The following KCNC2 variants were observed in gnomAD, a reference collection of about 807,000 sequenced individuals.
KCNC2 encodes voltage-gated potassium channel KCNC2.
In KCNC2, 21 loss-of-function variants were observed where a neutral mutation model predicts 44.5. The observed-to-expected ratio is 0.47, with a 90% CI of 0.33 to 0.68. The LOEUF (loss-of-function observed/expected upper bound fraction) is 0.68, where lower values mean the gene tolerates loss of function less well. KCNC2 is among the 30% of genes least tolerant of loss of function. KCNC2 has a pLI of 0.01. For missense variants in KCNC2, 589 were observed against 826.2 expected (o/e 0.71, Z 3.52); for synonymous variants, 391 against 339.1 (o/e 1.15, Z -1.68).
At chr12:75,138,526 A>G (rs1889391581) in intron 2 of KCNC2, among the ~76,000 whole-genome samples, 1 of 152,202 alleles carries the variant, frequency 6.6e-6, no homozygotes. Flanking sequence ...TGGTAGAGCA[A>G]ACGTCCATAT....
chr12:75,080,224 GTAAT>G (rs1244648014), intron 2 of KCNC2, among the ~76,000 whole-genome samples: 1 of 151,990 alleles, frequency 6.6e-6, no homozygotes, highest in Non-Finnish European at 1.5e-5. Flanking sequence ...ATGTAGAAAA[GTAAT>G]TAAAATAACT....
At chr12:75,208,054 A>C in intron 1 of KCNC2, 52 bp from the exon 2 acceptor site, 2 of 1,593,816 alleles carry the variant, frequency 1.3e-6, no homozygotes, top group Non-Finnish European at 1.7e-6. Context: ...CGTCAAAGAC[A>C]CACCATGACC....
At chr12:75,043,569 AT>A (rs1880160901) in intron 4 of KCNC2, 1 of 1,231,822 alleles carries the variant, frequency 8.1e-7, no homozygotes, top group African/African-American at 1.6e-5. Flanking sequence ...TAAGTAAGAT[AT>A]AAGCTTGACT....
At chr12:75,094,675 G>T (rs914168451) in intron 2 of KCNC2, among the ~76,000 whole-genome samples, 4 of 151,676 alleles carry the variant, frequency 2.6e-5, no homozygotes, top group Admixed American at 6.6e-5. Context: ...TCCATAAGAA[G>T]AATTCAGCAG....
intron 2 of KCNC2, among the ~76,000 whole-genome samples, chr12:75,060,105 A>C (rs957271912): frequency 6.6e-6 from 1 of 152,144 alleles, no homozygotes; most frequent in East Asian, 1.9e-4. Flanking sequence ...GTCAATTTAC[A>C]CTTGCCCAAT....
rs1393264724 is a variant in KCNC2 at position 75,093,174 on chromosome 12, C to T, written c.688-41857G>A. 5.3e-5 allele frequency among the ~76,000 whole-genome samples: 8 copies of T among 151,402 alleles called. No homozygotes were observed. The East Asian group carries it at 1.4e-3, about 26-fold the overall frequency. ...ATCAAAATATTCTGGCAACCATAAACATAAAAATAAATGTACATATTCAAA... is the reference window on the plus strand; with the variant it reads ...ATCAAAATATTCTGGCAACCATAAATATAAAAATAAATGTACATATTCAAA... On this transcript the variant is annotated intron_variant, in intron 2 of 4. Transcript: ENST00000549446.
At chr12:75,146,218 T>C (rs1185674879) in intron 2 of KCNC2, among the ~76,000 whole-genome samples, 1 of 152,162 alleles carries the variant, frequency 6.6e-6, no homozygotes, top group African/African-American at 2.4e-5. Flanking sequence ...CCTCCCAAAG[T>C]GTTGAGATTA....
Position 75,041,383 on chromosome 12 carries a change from TC to T in KCNC2, c.*1721del. On this transcript the variant is annotated 3_prime_UTR_variant, in exon 5 of 5. Transcript: ENST00000549446. ...AACATCTCCAACATGCAGGTCATGC[TC>T]TAGGACTTGGGGATATAGAGTAATA... 7.0e-7 allele frequency: 1 copy of T among 1,419,236 alleles called. No individual in the cohort carries two copies. Among genetic ancestry groups the T allele is most frequent in the Non-Finnish European group, 9.2e-7 (1 of 1,085,108 alleles). The allele number at this position is 1,419,236 out of a possible 1,614,324, so 87.9% of individuals were successfully genotyped here.
chr12:75,208,144 T>C, intron 1 of KCNC2, 142 bp from the exon 2 acceptor site: 1 of 903,952 alleles, frequency 1.1e-6, no homozygotes, highest in South Asian at 1.7e-5. Flanking sequence ...CGGGAGGGGA[T>C]CAGCGTCCAG....
At position 75,199,135 on chromosome 12, in the gene KCNC2, C is replaced by T. The variant is rs146085996; in HGVS notation, c.687+8162G>A. ...CATAGAGACAACTCAAAGGAAAACACCTTTTACTGCTAAGACTAAATTACA... is the reference window on the plus strand; with the variant it reads ...CATAGAGACAACTCAAAGGAAAACATCTTTTACTGCTAAGACTAAATTACA... On this transcript the variant is annotated intron_variant, in intron 2 of 4. Transcript: ENST00000549446. Among the ~76,000 whole-genome samples, 7 of 151,882 alleles carry T rather than the reference C, an allele frequency of 4.6e-5. No homozygotes were observed. In the East Asian group the frequency reaches 1.2e-3, roughly 25 times the overall value.
chr12:75,043,099 T>C lies in KCNC2; in HGVS notation c.*6A>G, dbSNP rs758021340. On this transcript the variant is annotated 3_prime_UTR_variant, in exon 5 of 5. Transcript: ENST00000549446. The stretch of plus-strand genomic sequence containing the variant: ...TTAGCCGACTGATGCAGTTTGGTTG[T>C]TTGGTTTACAAGATAGATGGGATGG... 84 of 1,611,026 alleles carry C rather than the reference T, an allele frequency of 5.2e-5. 1 individual carries two copies. Among genetic ancestry groups the C allele is most frequent in the Non-Finnish European group, 7.0e-5 (82 of 1,178,486 alleles).
At chr12:75,135,564 A>G (rs566274496) in intron 2 of KCNC2, among the ~76,000 whole-genome samples, 2 of 152,056 alleles carry the variant, frequency 1.3e-5, no homozygotes, top group Admixed American at 6.6e-5. Flanking sequence ...TCTACAAACT[A>G]GTAGATAATA....
At chr12:75,053,472 A>G (rs1215421613) in intron 2 of KCNC2, among the ~76,000 whole-genome samples, 1 of 152,124 alleles carries the variant, frequency 6.6e-6, no homozygotes, top group Admixed American at 6.6e-5. Context: ...TGAACAGCCT[A>G]CAAATATAAA....
chr12:75,077,735 A>G (rs1386503169), intron 2 of KCNC2, among the ~76,000 whole-genome samples: 1 of 152,192 alleles, frequency 6.6e-6, no homozygotes, highest in African/African-American at 2.4e-5. Flanking sequence ...CTTTGTTAGA[A>G]CACCTAAGTT....
At chr12:75,123,145 TA>T in intron 2 of KCNC2, among the ~76,000 whole-genome samples, 1 of 152,264 alleles carries the variant, frequency 6.6e-6, no homozygotes, top group Non-Finnish European at 1.5e-5. Context: ...TTTCATTACA[TA>T]AATTTAAGAT....
chr12:75,143,810 C>A (rs1360395694), intron 2 of KCNC2, among the ~76,000 whole-genome samples: 2 of 152,174 alleles, frequency 1.3e-5, no homozygotes, highest in African/African-American at 4.8e-5. Context: ...AAACCTTACA[C>A]AAAATCTTCT....
In KCNC2 at chr12:75,051,329, A is replaced by G. The variant is rs780040967; in HGVS notation, c.688-12T>C. The stretch of plus-strand genomic sequence containing the variant: ...GCAAAAGCAATAAACTGTAGAGGAA[A>G]AAGAAATAAAAAAACCCATAGTGAT... On this transcript the variant is annotated splice_polypyrimidine_tract_variant and intron_variant, in intron 2 of 4. Transcript: ENST00000549446. The G allele has an allele frequency of 1.2e-5, 18 of 1,454,882 alleles. No homozygotes were observed. Among genetic ancestry groups the G allele is most frequent in the Non-Finnish European group, 1.4e-5 (15 of 1,068,370 alleles). The allele number at this position is 1,454,882 out of a possible 1,614,324, so 90.1% of individuals were successfully genotyped here. A position where few individuals can be genotyped will look rare whatever the true frequency, so the allele number is the denominator to read the frequency against.
chr12:75,041,282 A>G lies in KCNC2; in HGVS notation c.*1823T>C, dbSNP rs1565799387. ...AATTTGTGTGTAATTATAATGTTCT[A>G]TGTGTGGTGTTATCAAAAGAATCAC... On this transcript the variant is annotated 3_prime_UTR_variant, in exon 5 of 5. Coordinates refer to ENST00000549446, the MANE Select transcript of KCNC2 (RefSeq NM_139137.4). 1 of 1,550,572 alleles carries G rather than the reference A, an allele frequency of 6.4e-7. No individual in the cohort carries two copies.
At chr12:75,115,404 C>T (rs1592904014) in intron 2 of KCNC2, among the ~76,000 whole-genome samples, 1 of 152,192 alleles carries the variant, frequency 6.6e-6, no homozygotes, top group Admixed American at 6.5e-5. Flanking sequence ...GCTGATCATA[C>T]ATCTATTAAA....
Sources: gnomAD v4.1 joint callset for allele counts (sites outside exome capture counted in the v4.1 genomes callset) on GRCh38, gnomAD v4.1.1 for gene constraint, MANE v1.5 for transcripts, NCBI Gene and HGNC (gene_info 2026-07-23, HGNC 2026-07-21) for gene names.